MAGI1: variants seen among roughly 807,000 people sequenced by gnomAD.
MAGI1 encodes the protein membrane associated guanylate kinase, WW and PDZ domain containing 1, also known as membrane-associated guanylate kinase, WW and PDZ domain-containing protein 1.
In MAGI1, 58 loss-of-function variants were observed where a neutral mutation model predicts 139.9. That is an observed-to-expected ratio of 0.41 (90% CI 0.34 to 0.52). The LOEUF (loss-of-function observed/expected upper bound fraction) is 0.52. MAGI1 is among the 20% of genes least tolerant of loss of function. The pLI is 0.12. For synonymous variants in MAGI1, 812 were observed against 737.9 expected (o/e 1.10, Z -1.63); for missense variants, 1,874 against 1,901.6 (o/e 0.99, Z 0.27).
intron 1 of MAGI1, among the ~76,000 whole-genome samples, chr3:65,925,588 A>G (rs2062458346): frequency 6.6e-6 from 1 of 152,194 alleles, no homozygotes; most frequent in Non-Finnish European, 1.5e-5. Context: ...CTCCTTTAAC[A>G]ATTAGAACGT....
At chr3:65,959,211 AC>A (rs2064286964) in intron 1 of MAGI1, among the ~76,000 whole-genome samples, 1 of 152,056 alleles carries the variant, frequency 6.6e-6, no homozygotes, top group Non-Finnish European at 1.5e-5. Context: ...TCTCAGGCTC[AC>A]CTCAAGCTTA....
rs2059415030 is a variant in MAGI1, at chr3:65,857,623, G to A, written c.313+180373C>T. Among the ~76,000 whole-genome samples, 4 of 152,168 alleles carry A rather than the reference G, an allele frequency of 2.6e-5. No homozygotes were observed. The South Asian group carries it at 8.3e-4, about 32-fold the overall frequency. On this transcript the variant is annotated intron_variant, in intron 1 of 22. Coordinates refer to ENST00000402939, the MANE Select transcript of MAGI1 (RefSeq NM_001033057.2). ...TCGTAGAAAGCTGGTCAGCAAAGCT[G>A]TGATTTTTAGCTCTTCCAAGTATAT... is the stretch of plus-strand genomic sequence containing the variant.
intron 1 of MAGI1, among the ~76,000 whole-genome samples, chr3:65,812,004 C>T (rs2041273550): frequency 6.6e-6 from 1 of 151,214 alleles, no homozygotes; most frequent in Non-Finnish European, 1.5e-5. Flanking sequence ...AAAACTATTT[C>T]TTTTTGCGCA....
At chr3:65,781,000 A>T (rs1577092622) in intron 1 of MAGI1, among the ~76,000 whole-genome samples, 1 of 152,224 alleles carries the variant, frequency 6.6e-6, no homozygotes, top group South Asian at 2.1e-4. Context: ...CAGGCAGACC[A>T]GTCTGGCCAA....
chr3:65,683,094 G>A (rs2087709516), intron 1 of MAGI1, among the ~76,000 whole-genome samples: 1 of 152,072 alleles, frequency 6.6e-6, no homozygotes, highest in Middle Eastern at 3.2e-3. Context: ...AGCTCAGGGA[G>A]TAATGCTTGC....
At chr3:65,935,551 G>A (rs2063009644) in intron 1 of MAGI1, among the ~76,000 whole-genome samples, 1 of 152,232 alleles carries the variant, frequency 6.6e-6, no homozygotes, top group African/African-American at 2.4e-5. Flanking sequence ...GAGCCCAGGA[G>A]GTTGAGGCTG....
intron 1 of MAGI1, among the ~76,000 whole-genome samples, chr3:65,975,320 A>C (rs1215374000): frequency 2.0e-5 from 3 of 152,242 alleles, no homozygotes; most frequent in Non-Finnish European, 4.4e-5. Context: ...TAAAGGAAAA[A>C]GAATTTAGAC....
intron 5 of MAGI1, 140 bp from the exon 6 acceptor site, chr3:65,453,480 G>T: frequency 1.5e-6 from 1 of 650,010 alleles, no homozygotes; most frequent in Non-Finnish European, 2.6e-6. Context: ...ATCCAAACCA[G>T]AAGAGAGCCT....
intron 1 of MAGI1, among the ~76,000 whole-genome samples, chr3:66,011,316 G>A (rs1431165767): frequency 6.6e-6 from 1 of 152,170 alleles, no homozygotes; most frequent in Non-Finnish European, 1.5e-5. Flanking sequence ...GCGACGAAAA[G>A]ATAGGTTTGA....
intron 1 of MAGI1, among the ~76,000 whole-genome samples, chr3:65,857,074 C>A (rs189536215): frequency 9.2e-5 from 14 of 152,308 alleles, no homozygotes; most frequent in Admixed American, 8.5e-4. Context: ...GGCTCATGGC[C>A]ACTGCACACG....
In MAGI1 at chr3:65,672,318, C is replaced by T. The variant is rs1349927216; in HGVS notation, c.314-50230G>A. On this transcript the variant is annotated intron_variant, in intron 1 of 22. Transcript: ENST00000402939. ...AACTCAAAACAAATCTGTTCCATGG[C>T]AAGAAAGTACTTTAGAGAATTAGTC... Among the ~76,000 whole-genome samples, 3 of 152,234 alleles carry T rather than the reference C, an allele frequency of 2.0e-5. No individual in the cohort carries two copies. In the East Asian group the frequency reaches 5.8e-4, roughly 29 times the overall value.
At chr3:65,818,612 A>C (rs2041756880) in intron 1 of MAGI1, among the ~76,000 whole-genome samples, 1 of 152,216 alleles carries the variant, frequency 6.6e-6, no homozygotes, top group Non-Finnish European at 1.5e-5. Context: ...GCAATGGACA[A>C]AACACTGCAT....
chr3:65,785,936 C>CT lies in MAGI1; in HGVS notation c.314-163849dup, dbSNP rs534503386. ...CCCCTTATTCCTGCTGTCATCTTAA[C>CT]TTTTTTTTTTTTTTTCTTGAAACGG... On this transcript the variant is annotated intron_variant, in intron 1 of 22. Transcript: ENST00000402939. Among the ~76,000 whole-genome samples the CT allele has an allele frequency of 9.2e-3, 1,329 of 143,850 alleles. 16 individuals carry two copies. The highest frequency in any genetic ancestry group is 0.022 in the African/African-American group (867 of 39,372). 94.4% of individuals were successfully genotyped at this position (143,850 alleles called of 152,430 possible).
At chr3:65,789,100 G>A (rs2039584013) in intron 1 of MAGI1, among the ~76,000 whole-genome samples, 1 of 152,108 alleles carries the variant, frequency 6.6e-6, no homozygotes, top group South Asian at 2.1e-4. Context: ...AGGATTGCTG[G>A]GGCCTAGGAG....
rs76344391 is a variant in MAGI1 at position 65,824,172 on chromosome 3, C to T, written c.314-202084G>A. Among the ~76,000 whole-genome samples the T allele has an allele frequency of 4.5e-3, 685 of 152,296 alleles. 6 individuals carry two copies. Among genetic ancestry groups the T allele is most frequent in the African/African-American group, 0.016 (665 of 41,566 alleles). ...GAATAAAAGTTATTTTGCCACGTCACCCATGCCTAGCCTACGTCCCTGTGA... is the reference window on the plus strand; with the variant it reads ...GAATAAAAGTTATTTTGCCACGTCATCCATGCCTAGCCTACGTCCCTGTGA... On this transcript the variant is annotated intron_variant, in intron 1 of 22. Coordinates refer to ENST00000402939, the MANE Select transcript of MAGI1 (RefSeq NM_001033057.2).
At chr3:65,615,062 A>C (rs2106978023) in intron 2 of MAGI1, among the ~76,000 whole-genome samples, 1 of 151,888 alleles carries the variant, frequency 6.6e-6, no homozygotes, top group Admixed American at 6.6e-5. Flanking sequence ...GAAAGAGAAA[A>C]ACCAAGCAAG....
intron 2 of MAGI1, among the ~76,000 whole-genome samples, chr3:65,548,379 C>A (rs921021482): frequency 6.6e-6 from 1 of 152,140 alleles, no homozygotes; most frequent in Non-Finnish European, 1.5e-5. Context: ...CCTCTCCCTG[C>A]ACTGGGGACC....
intron 1 of MAGI1, among the ~76,000 whole-genome samples, chr3:65,903,086 T>C (rs1377471435): frequency 6.6e-6 from 1 of 152,050 alleles, no homozygotes; most frequent in Non-Finnish European, 1.5e-5. Flanking sequence ...CCTCGCAGGC[T>C]AAAGCAATCC....
chr3:65,923,655 C>T (rs114590696), intron 1 of MAGI1, among the ~76,000 whole-genome samples: 3,104 of 152,210 alleles, frequency 0.02, 79 homozygotes, highest in African/African-American at 0.058. Context: ...GAATGAGAGA[C>T]ATTCAACAAG....
Sources: gnomAD v4.1 joint callset for allele counts (sites outside exome capture counted in the v4.1 genomes callset) on GRCh38, gnomAD v4.1.1 for gene constraint, MANE v1.5 for transcripts, NCBI Gene and HGNC (gene_info 2026-07-23, HGNC 2026-07-21) for gene names.